Variants in PPP2R2C observed in about 807,000 individuals in gnomAD.
The protein encoded by PPP2R2C is protein phosphatase 2 regulatory subunit Bgamma, also known as protein phosphatase 2, regulatory subunit B, gamma.
A neutral mutation model predicts 45.3 loss-of-function variants in PPP2R2C; 10 were observed. The observed-to-expected ratio is 0.22, with a 90% CI of 0.14 to 0.37. The LOEUF (loss-of-function observed/expected upper bound fraction) is 0.37. Among genes scored for constraint, PPP2R2C ranks in the 10% least tolerant of loss-of-function variants. The probability of loss-of-function intolerance (pLI) is 1.00; values close to 1 mark genes in which losing one functional copy is unlikely to be tolerated. For synonymous variants in PPP2R2C, 257 were observed against 245.4 expected, an observed-to-expected ratio of 1.05 and a Z score of -0.44; for missense variants, 308 against 619.7, an observed-to-expected ratio of 0.50 and a Z score of 5.34.
At chr4:6,382,774 C>G in intron 1 of PPP2R2C, 1 of 783,374 alleles carries the variant, frequency 1.3e-6, no homozygotes, top group East Asian at 7.1e-5. Flanking sequence ...CAGCCACTCT[C>G]CCACCTCTCA....
Position 6,378,196 on chromosome 4 carries a change from G to A in PPP2R2C, c.334+211C>T, listed in dbSNP as rs1008736211. ...ATGGGATTTACATGCTGCTCAAAAA[G>A]GGGGGCAGCCCTGTGTCCAGACACA... is the stretch of plus-strand genomic sequence containing the variant. On this transcript the variant is annotated intron_variant, in intron 3 of 8. Transcript: ENST00000382599. The surrounding 1 kb of genome is among the most constrained non-coding windows in gnomAD (Gnocchi z 5.2). 1 of 597,950 alleles carries A rather than the reference G, an allele frequency of 1.7e-6. No homozygotes were observed. The highest frequency in any genetic ancestry group is 2.0e-5 in the African/African-American group (1 of 49,358). The allele number at this position is 597,950 out of a possible 1,614,324, so 37.0% of individuals were successfully genotyped here.
At chr4:6,500,123 G>T (rs551903621) in intron 2 of PPP2R2C, among the ~76,000 whole-genome samples, 194 of 152,312 alleles carry the variant, frequency 1.3e-3, no homozygotes, top group African/African-American at 4.1e-3. Flanking sequence ...AATGAATTAA[G>T]ATTGCAGTGG....
intron 1 of PPP2R2C, among the ~76,000 whole-genome samples, chr4:6,463,365 G>T (rs1026757419): frequency 6.6e-6 from 1 of 152,214 alleles, no homozygotes; most frequent in Non-Finnish European, 1.5e-5. Context: ...GAGGAGGGGT[G>T]GGGGTGGGGC....
At chr4:6,543,369 C>T (rs568485496) in intron 1 of PPP2R2C, among the ~76,000 whole-genome samples, 2 of 152,150 alleles carry the variant, frequency 1.3e-5, no homozygotes, top group Admixed American at 1.3e-4. Context: ...TCCTATGGGC[C>T]AACCAGGGCA....
At chr4:6,457,538 AT>A (rs900515652) in intron 1 of PPP2R2C, among the ~76,000 whole-genome samples, 3 of 151,016 alleles carry the variant, frequency 2.0e-5, no homozygotes, top group South Asian at 4.2e-4. Context: ...TCCTTGGCTA[AT>A]TTTTTTTTAT....
intron 2 of PPP2R2C, among the ~76,000 whole-genome samples, chr4:6,526,081 G>A (rs530797259): frequency 9.2e-5 from 14 of 152,188 alleles, no homozygotes; most frequent in South Asian, 2.1e-4. Context: ...GGCTCTTCCC[G>A]TCCTCTGCTT....
intron 5 of PPP2R2C, among the ~76,000 whole-genome samples, chr4:6,348,455 C>T (rs990619099): frequency 6.6e-6 from 1 of 152,056 alleles, no homozygotes; most frequent in Non-Finnish European, 1.5e-5. Context: ...CAAGTCTTCC[C>T]GGTCCCTTTT....
At chr4:6,441,326 A>T (rs1720140621) in intron 1 of PPP2R2C, among the ~76,000 whole-genome samples, 1 of 151,694 alleles carries the variant, frequency 6.6e-6, no homozygotes, top group East Asian at 1.9e-4. Context: ...TTCTAAACCC[A>T]ACTCTGGTCC....
At chr4:6,451,008 C>G (rs1720707957) in intron 1 of PPP2R2C, among the ~76,000 whole-genome samples, 1 of 152,202 alleles carries the variant, frequency 6.6e-6, no homozygotes, top group African/African-American at 2.4e-5. Context: ...ATCACTGGCT[C>G]TAGTGAACAT....
Position 6,331,341 on chromosome 4 carries a change from A to G in PPP2R2C, c.961-1988T>C, listed in dbSNP as rs1188555746. ...CTCAATTGTCTTCCAATAAAATGGG[A>G]TGGGGAGAATACCGGCCCCACCTCC... On this transcript the variant is annotated intron_variant, in intron 7 of 8. Transcript: ENST00000382599. This position sits in a 1 kb window ranked among gnomAD's most constrained non-coding sequence, Gnocchi z 5.9. 6.6e-6 allele frequency among the ~76,000 whole-genome samples: 1 copy of G among 152,030 alleles called. No individual in the cohort carries two copies. The highest frequency in any genetic ancestry group is 1.5e-5 in the Non-Finnish European group (1 of 68,004).
intron 1 of PPP2R2C, among the ~76,000 whole-genome samples, chr4:6,446,725 C>T (rs1057081094): frequency 7.9e-5 from 12 of 152,088 alleles, no homozygotes; most frequent in African/African-American, 2.4e-4. Flanking sequence ...TCAGACTCCC[C>T]GCCAACGGCC....
chr4:6,497,843 C>T (rs541631018), intron 2 of PPP2R2C, among the ~76,000 whole-genome samples: 20 of 152,284 alleles, frequency 1.3e-4, no homozygotes, highest in African/African-American at 4.8e-4. Context: ...ACAGTGTTTT[C>T]TAGAAGAGGT....
At chr4:6,463,874 C>T (rs17723995) in intron 1 of PPP2R2C, among the ~76,000 whole-genome samples, 12,945 of 152,276 alleles carry the variant, frequency 0.085, 733 homozygotes, top group Non-Finnish European at 0.13. Context: ...TGCCTTTCAT[C>T]GCAACACAGA....
chr4:6,546,560 T>C (rs1276745599), intron 1 of PPP2R2C, among the ~76,000 whole-genome samples: 1 of 152,186 alleles, frequency 6.6e-6, no homozygotes, highest in Non-Finnish European at 1.5e-5. Context: ...TGACAAAGCC[T>C]TCTCAGGCCT....
At chr4:6,373,351 G>T (rs1231139378) in intron 4 of PPP2R2C, among the ~76,000 whole-genome samples, 1 of 152,212 alleles carries the variant, frequency 6.6e-6, no homozygotes, top group East Asian at 1.9e-4. Flanking sequence ...GTGTTGTTTT[G>T]TTACAGCGGT....
chr4:6,492,972 G>A (rs1424089910), intron 2 of PPP2R2C, among the ~76,000 whole-genome samples: 1 of 152,042 alleles, frequency 6.6e-6, no homozygotes, highest in African/African-American at 2.4e-5. Flanking sequence ...CCCCTCCCCA[G>A]TCTCCCTCCT....
chr4:6,385,964 G>C (rs77643385), intron 1 of PPP2R2C, among the ~76,000 whole-genome samples: 2,230 of 152,282 alleles, frequency 0.015, 45 homozygotes, highest in African/African-American at 0.051. Flanking sequence ...GCCTTGACCA[G>C]AGGAAACAGC....
Position 6,322,134 on chromosome 4 carries a change from G to A in PPP2R2C, c.*1168C>T, listed in dbSNP as rs1731590137. On this transcript the variant is annotated 3_prime_UTR_variant, in exon 9 of 9. Coordinates refer to ENST00000382599, the MANE Select transcript of PPP2R2C (RefSeq NM_020416.4). This position sits in a 1 kb window ranked among gnomAD's most constrained non-coding sequence, Gnocchi z 7.8. ...AAGTCTGCCATGTCCTACTTCACAA[G>A]ACAGAGGCATTCCTTTCCAAACCTT... The A allele has an allele frequency of 6.6e-6, 1 of 151,664 alleles. No homozygotes were observed. The highest frequency in any genetic ancestry group is 2.4e-5 in the African/African-American group (1 of 41,280). 9.4% of individuals were successfully genotyped at this position (151,664 alleles called of 1,614,324 possible).
At chr4:6,403,140 G>A (rs934741658) in intron 1 of PPP2R2C, among the ~76,000 whole-genome samples, 2 of 152,250 alleles carry the variant, frequency 1.3e-5, no homozygotes, top group Non-Finnish European at 2.9e-5. Context: ...GCAGGACAGT[G>A]GGTGCCTCCC....
Sources: gnomAD v4.1 joint callset for allele counts (sites outside exome capture counted in the v4.1 genomes callset) on GRCh38, gnomAD v4.1.1 for gene constraint, Gnocchi (gnomAD v3.1) non-coding constraint, MANE v1.5 for transcripts, NCBI Gene and HGNC (gene_info 2026-07-23, HGNC 2026-07-21) for gene names.